The following ZNRF3 variants were observed in gnomAD, a reference collection of about 807,000 sequenced individuals.
The protein encoded by ZNRF3 is zinc and ring finger 3.
In ZNRF3, 23 loss-of-function variants were observed where a neutral mutation model predicts 72.5. The observed-to-expected ratio is 0.32, with a 90% CI of 0.23 to 0.45. ZNRF3 has a LOEUF of 0.45. Among genes scored for constraint, ZNRF3 ranks in the 20% least tolerant of loss-of-function variants. The pLI is 1.00. For missense variants in ZNRF3, 1,169 were observed against 1,272.1 expected (o/e 0.92, Z 1.23); for synonymous variants, 610 against 545.3 (o/e 1.12, Z -1.65).
At chr22:28,917,659 A>C (rs1365471588) in intron 1 of ZNRF3, among the ~76,000 whole-genome samples, 1 of 151,502 alleles carries the variant, frequency 6.6e-6, no homozygotes, top group Admixed American at 6.6e-5. Flanking sequence ...CAATAGTGAG[A>C]CTCCCTCTCT....
At chr22:28,918,006 C>G (rs575533012) in intron 1 of ZNRF3, among the ~76,000 whole-genome samples, 3 of 152,210 alleles carry the variant, frequency 2.0e-5, no homozygotes, top group Non-Finnish European at 4.4e-5. Flanking sequence ...CTGCTGGATC[C>G]TTTGAACCTC....
intron 1 of ZNRF3, among the ~76,000 whole-genome samples, chr22:28,888,174 G>T (rs2033824604): frequency 1.3e-5 from 2 of 152,142 alleles, no homozygotes; most frequent in Non-Finnish European, 2.9e-5. Flanking sequence ...AGAGCTGGGT[G>T]GTGGGTTAAA....
In ZNRF3 at chr22:28,994,192, T is replaced by TTTTTTC. The variant is rs2036008987; in HGVS notation, c.426+6996_426+6997insCTTTTT. Among the ~76,000 whole-genome samples, 13 of 119,578 alleles carry TTTTTTC rather than the reference T, an allele frequency of 1.1e-4. No homozygotes were observed. In the South Asian group the frequency reaches 3.6e-3, roughly 33 times the overall value. The allele number at this position is 119,578 out of a possible 152,430, so 78.4% of individuals were successfully genotyped here. On this transcript the variant is annotated intron_variant, in intron 2 of 8. Coordinates refer to ENST00000544604, the MANE Select transcript of ZNRF3 (RefSeq NM_001206998.2). ...AGTTCCTTTCTTTTTTTTTTTTTTT[T>TTTTTTC]TTTTTTTTTTTGAGATGGAATTTCA...
At chr22:28,958,014 C>T (rs111757028) in intron 1 of ZNRF3, among the ~76,000 whole-genome samples, 6 of 152,000 alleles carry the variant, frequency 3.9e-5, no homozygotes, top group African/African-American at 1.4e-4. Context: ...GGTGAAACCC[C>T]GTCTCTACTA....
At chr22:29,026,481 T>G (rs1174163506) in intron 2 of ZNRF3, 4 of 152,158 alleles carry the variant, frequency 2.6e-5, no homozygotes. Flanking sequence ...TAAAAATAGG[T>G]CTTAAACCTG....
chr22:28,925,647 T>A (rs2034587300), intron 1 of ZNRF3, among the ~76,000 whole-genome samples: 1 of 152,164 alleles, frequency 6.6e-6, no homozygotes, highest in African/African-American at 2.4e-5. Flanking sequence ...ATTCCACCGT[T>A]AACATTTCAC....
rs1407654984 is a variant in ZNRF3, at chr22:29,050,263, C to G, written c.2082C>G (p.Ala694=). 1 of 1,598,538 alleles carries G rather than the reference C, an allele frequency of 6.3e-7. No homozygotes were observed. Among genetic ancestry groups the G allele is most frequent in the Non-Finnish European group, 8.5e-7 (1 of 1,179,238 alleles). The change falls in exon 8 of 9, where the codon GCC becomes GCG. Residue 694 remains alanine, a synonymous_variant. Transcript: ENST00000544604. Reference sequence around the variant, plus strand: ...GGCTCGAGGCTTCTCCTGGGGCCGCCCCTGACCTCAGGAGGACCTGGAAGG... The same window carrying G: ...GGCTCGAGGCTTCTCCTGGGGCCGCGCCTGACCTCAGGAGGACCTGGAAGG... ...EVGLEASPGA[A]PDLRRTWKGG...
chr22:29,056,788 C>G lies in ZNRF3; in HGVS notation c.*3166C>G, dbSNP rs2037308495. 1 of 152,210 alleles carries G rather than the reference C, an allele frequency of 6.6e-6. No homozygotes were observed. The highest frequency in any genetic ancestry group is 1.9e-4 in the East Asian group (1 of 5,192). 9.4% of individuals were successfully genotyped at this position (152,210 alleles called of 1,614,324 possible). Reference sequence around the variant, plus strand: ...CAAGGTACCTCTTTATGGATGCAGCCCCAGTAAGCTGGCTTTAACTCTCAG... The same window carrying G: ...CAAGGTACCTCTTTATGGATGCAGCGCCAGTAAGCTGGCTTTAACTCTCAG... On this transcript the variant is annotated 3_prime_UTR_variant, in exon 9 of 9. Coordinates refer to ENST00000544604, the MANE Select transcript of ZNRF3 (RefSeq NM_001206998.2).
intron 1 of ZNRF3, among the ~76,000 whole-genome samples, chr22:28,928,968 A>T (rs1048663885): frequency 6.6e-6 from 1 of 152,238 alleles, no homozygotes; most frequent in African/African-American, 2.4e-5. Context: ...CACAGTTTCA[A>T]ACCAATTTCT....
At chr22:28,909,166 G>A (rs1477989070) in intron 1 of ZNRF3, among the ~76,000 whole-genome samples, 1 of 152,118 alleles carries the variant, frequency 6.6e-6, no homozygotes, top group East Asian at 1.9e-4. Context: ...CAAAGTGCTA[G>A]GATTACAGGC....
intron 1 of ZNRF3, among the ~76,000 whole-genome samples, chr22:28,932,932 C>A (rs1355140517): frequency 2.0e-5 from 3 of 152,186 alleles, no homozygotes; most frequent in Admixed American, 2.0e-4. Context: ...CTTTCCCATG[C>A]CCCCTTCCTC....
At chr22:28,911,562 C>A (rs1221297581) in intron 1 of ZNRF3, among the ~76,000 whole-genome samples, 1 of 152,198 alleles carries the variant, frequency 6.6e-6, no homozygotes, top group African/African-American at 2.4e-5. Flanking sequence ...AATCACATGC[C>A]AACTCTGGCC....
At chr22:28,916,958 A>G (rs2034417661) in intron 1 of ZNRF3, among the ~76,000 whole-genome samples, 1 of 152,044 alleles carries the variant, frequency 6.6e-6, no homozygotes, top group South Asian at 2.1e-4. Context: ...GATGCCTGGA[A>G]CCCTGGCCCC....
chr22:28,910,638 C>T (rs2034298494), intron 1 of ZNRF3, among the ~76,000 whole-genome samples: 1 of 152,140 alleles, frequency 6.6e-6, no homozygotes, highest in Admixed American at 6.5e-5. Context: ...TGAATGCTGG[C>T]CTCCTCCTGC....
Position 28,900,540 on chromosome 22 carries a change from A to C in ZNRF3, c.300+16474A>C, listed in dbSNP as rs933362641. Among the ~76,000 whole-genome samples, 13 of 152,354 alleles carry C rather than the reference A, an allele frequency of 8.5e-5. No homozygotes were observed. The East Asian group carries it at 2.3e-3, about 27-fold the overall frequency. On this transcript the variant is annotated intron_variant, in intron 1 of 8. Transcript: ENST00000544604. ...GAGTGGGATGTGACTTGCAGGTGGC[A>C]TCTGCTGTTCTAGTGCCTCTTTACA...
chr22:28,991,279 CAAAAAAAAAAA>C (rs59317059), intron 2 of ZNRF3, among the ~76,000 whole-genome samples: 3 of 51,672 alleles, frequency 5.8e-5, no homozygotes, highest in African/African-American at 1.8e-4. Context: ...GACCCTCTCT[CAAAAAAAAAAA>C]AAAAAAAAAA....
At chr22:28,945,019 A>C (rs569995550) in intron 1 of ZNRF3, among the ~76,000 whole-genome samples, 6 of 151,688 alleles carry the variant, frequency 4.0e-5, no homozygotes, top group Non-Finnish European at 7.4e-5. Context: ...GTTTATCCTT[A>C]AAAAAAGTTT....
In ZNRF3 at chr22:29,044,835, C is replaced by T; in HGVS notation, c.689C>T (p.Ser230Phe). 1.2e-6 allele frequency: 2 copies of T among 1,614,122 alleles called. No individual in the cohort carries two copies. The highest frequency in any genetic ancestry group is 1.7e-6 in the Non-Finnish European group (2 of 1,180,028). Residue 230 changes from serine (S) to phenylalanine (F), a missense_variant, in exon 5 of 9, where the codon TCC (serine) becomes TTC (phenylalanine). Around this residue, in one of 2 missense-constraint regions of ZNRF3, gnomAD observed 386 missense variants for 540.7 expected, o/e 0.71. Coordinates refer to ENST00000544604, the MANE Select transcript of ZNRF3 (RefSeq NM_001206998.2). The stretch of plus-strand genomic sequence containing the variant: ...TTCCTGGCTTTCTTCGTCGTGGTCT[C>T]CTTGGTCTGCCTCATCCTCCTTGTC... ...GIFLAFFVVV[S>F]LVCLILLVKI...
intron 1 of ZNRF3, among the ~76,000 whole-genome samples, chr22:28,888,487 A>T (rs1028588813): frequency 2.0e-5 from 3 of 152,174 alleles, no homozygotes; most frequent in African/African-American, 7.2e-5. Flanking sequence ...ATTCAGGGGG[A>T]AAACTGGGGC....
Sources: gnomAD v4.1 joint callset for allele counts (sites outside exome capture counted in the v4.1 genomes callset) on GRCh38, gnomAD v4.1.1 for gene constraint, gnomAD v4.1.1 regional missense constraint, MANE v1.5 for transcripts, NCBI Gene and HGNC (gene_info 2026-07-23, HGNC 2026-07-21) for gene names.